DNAAF11: variants seen among roughly 807,000 people sequenced by gnomAD.
DNAAF11 encodes leucine rich repeat containing 6.
DNAAF11 carries 45 observed loss-of-function variants against 60.8 expected under a neutral mutation model. That is an observed-to-expected ratio of 0.74 (90% CI 0.58 to 0.95). The LOEUF (loss-of-function observed/expected upper bound fraction) is 0.95. Ranked by LOEUF, DNAAF11 falls within the 40% of genes least tolerant of loss-of-function variation. The pLI, the probability that DNAAF11 is intolerant of heterozygous loss-of-function variation, is 0.00. For synonymous variants in DNAAF11, 191 were observed against 183.5 expected, an observed-to-expected ratio of 1.04 and a Z score of -0.33; for missense variants, 546 against 546.2, an observed-to-expected ratio of 1.00 and a Z score of 0.00.
chr8:132,690,809 A>G, the DNAAF11 span, among the ~76,000 whole-genome samples: 3 of 152,048 alleles, frequency 2.0e-5, no homozygotes, highest in African/African-American at 7.2e-5. Context: ...TTCAGTTGGG[A>G]TTGACTGCTG....
chr8:132,701,231 C>A, the DNAAF11 span, among the ~76,000 whole-genome samples: 1 of 152,176 alleles, frequency 6.6e-6, no homozygotes, highest in Non-Finnish European at 1.5e-5. Flanking sequence ...GGATACAGAA[C>A]AGGACAACAA....
intron 3 of DNAAF11, among the ~76,000 whole-genome samples, chr8:132,651,026 GA>G (rs1182881529): frequency 2.0e-5 from 3 of 152,184 alleles, no homozygotes; most frequent in Non-Finnish European, 4.4e-5. Context: ...CCAAGCTTGA[GA>G]AAATCTCATC....
chr8:132,667,089 A>G (rs1824712911), intron 1 of DNAAF11, among the ~76,000 whole-genome samples: 1 of 152,230 alleles, frequency 6.6e-6, no homozygotes, highest in Admixed American at 6.5e-5. Flanking sequence ...GTTTGAGTCC[A>G]TTGTAAAGAG....
chr8:132,595,042 A>G (rs775337490), intron 10 of DNAAF11, among the ~76,000 whole-genome samples: 4 of 151,970 alleles, frequency 2.6e-5, no homozygotes, highest in Non-Finnish European at 5.9e-5. Flanking sequence ...ACCTTCCACC[A>G]TGATCTGGAG....
the DNAAF11 span, chr8:132,687,466 A>G: frequency 2.7e-6 from 1 of 364,452 alleles, no homozygotes; most frequent in Non-Finnish European, 5.4e-6. Flanking sequence ...TTATACCTTG[A>G]TGATGCCAGG....
chr8:132,608,323 AATTT>A (rs1818319497), intron 10 of DNAAF11: 1 of 209,062 alleles, frequency 4.8e-6, no homozygotes, highest in Admixed American at 5.1e-5. Context: ...TATTATTCAT[AATTT>A]ATTAATGACG....
intron 9 of DNAAF11, among the ~76,000 whole-genome samples, chr8:132,610,782 G>T (rs999620061): frequency 1.3e-5 from 2 of 152,114 alleles, no homozygotes; most frequent in Non-Finnish European, 2.9e-5. Context: ...ACTACATATG[G>T]TCAGCAGCCA....
chr8:132,677,071 CATG>C (rs1198657751), upstream of DNAAF11, among the ~76,000 whole-genome samples: 3 of 152,174 alleles, frequency 2.0e-5, no homozygotes, highest in South Asian at 4.1e-4. Context: ...TCTATTTCCA[CATG>C]ATGATGACAA....
At position 132,656,076 on chromosome 8, in the gene DNAAF11, T is replaced by C. The variant is rs1462707410; in HGVS notation, c.256+754A>G. On this transcript the variant is annotated intron_variant, in intron 3 of 11. Coordinates refer to ENST00000620350, the MANE Select transcript of DNAAF11 (RefSeq NM_012472.6). Reference sequence around the variant, plus strand: ...AGGCTTACTGTAGCCATGCTTATTATAGCAAAATGCTGGAACGCACCCAAA... The same window carrying C: ...AGGCTTACTGTAGCCATGCTTATTACAGCAAAATGCTGGAACGCACCCAAA... Among the ~76,000 whole-genome samples the C allele has an allele frequency of 3.3e-5, 5 of 152,346 alleles. No individual in the cohort carries two copies. The South Asian group carries it at 6.2e-4, about 19-fold the overall frequency.
chr8:132,682,703 AAAGT>A, the DNAAF11 span, among the ~76,000 whole-genome samples: 1 of 152,210 alleles, frequency 6.6e-6, no homozygotes, highest in Non-Finnish European at 1.5e-5. Context: ...GTGTTGCTAT[AAAGT>A]AATACATGAG....
At chr8:132,692,604 C>T in the DNAAF11 span, among the ~76,000 whole-genome samples, 1 of 152,172 alleles carries the variant, frequency 6.6e-6, no homozygotes, top group Non-Finnish European at 1.5e-5. Context: ...ATTGATATAG[C>T]CTAGTCATTA....
intron 5 of DNAAF11, among the ~76,000 whole-genome samples, chr8:132,625,916 GT>G (rs2130338611): frequency 6.6e-6 from 1 of 152,218 alleles, no homozygotes; most frequent in South Asian, 2.1e-4. Flanking sequence ...TTCTAATCTT[GT>G]ACCTGTCAAT....
intron 7 of DNAAF11, among the ~76,000 whole-genome samples, chr8:132,616,677 ACT>A (rs1819191451): frequency 6.6e-6 from 1 of 152,044 alleles, no homozygotes; most frequent in South Asian, 2.1e-4. Context: ...GTGTGCAATG[ACT>A]CTCTTATATC....
chr8:132,581,476 C>G (rs1356614733), intron 11 of DNAAF11, among the ~76,000 whole-genome samples: 1 of 151,740 alleles, frequency 6.6e-6, no homozygotes, highest in Non-Finnish European at 1.5e-5. Flanking sequence ...ATTGTGAAAC[C>G]CTGTCTCTAC....
At chr8:132,702,682 T>C in the DNAAF11 span, among the ~76,000 whole-genome samples, 2 of 152,224 alleles carry the variant, frequency 1.3e-5, no homozygotes, top group Non-Finnish European at 2.9e-5. Context: ...ACTTGTTTAA[T>C]CTCATAAAAG....
chr8:132,630,477 T>C (rs1288884347), intron 5 of DNAAF11, among the ~76,000 whole-genome samples: 2 of 151,528 alleles, frequency 1.3e-5, no homozygotes, highest in East Asian at 3.9e-4. Flanking sequence ...TACAAACAGA[T>C]ATGGCACTGG....
At chr8:132,592,344 C>G (rs993900591) in intron 10 of DNAAF11, among the ~76,000 whole-genome samples, 3 of 152,068 alleles carry the variant, frequency 2.0e-5, no homozygotes, top group Non-Finnish European at 4.4e-5. Context: ...GTTATCTGAG[C>G]TAGAAAAGGA....
At chr8:132,629,884 C>T (rs1450603829) in intron 5 of DNAAF11, among the ~76,000 whole-genome samples, 1 of 152,156 alleles carries the variant, frequency 6.6e-6, no homozygotes, top group African/African-American at 2.4e-5. Context: ...AAACCAATTA[C>T]ATCTATTTTT....
At chr8:132,658,921 G>C (rs1275952944) in intron 2 of DNAAF11, among the ~76,000 whole-genome samples, 3 of 152,158 alleles carry the variant, frequency 2.0e-5, no homozygotes, top group Non-Finnish European at 4.4e-5. Flanking sequence ...CTCTTGGGTA[G>C]GGAAAAGGGA....
Sources: gnomAD v4.1 joint callset for allele counts (sites outside exome capture counted in the v4.1 genomes callset) on GRCh38, gnomAD v4.1.1 for gene constraint, MANE v1.5 for transcripts, NCBI Gene and HGNC (gene_info 2026-07-23, HGNC 2026-07-21) for gene names.